Variants in CDH22 observed in about 807,000 individuals in gnomAD.
CDH22 encodes the protein cadherin 22.
In CDH22, 30 loss-of-function variants were observed where a neutral mutation model predicts 58.4. The ratio of observed to expected loss-of-function variants is 0.51; its 90% CI spans 0.38 to 0.70. The LOEUF is 0.70. Among genes scored for constraint, CDH22 ranks in the 30% least tolerant of loss-of-function variants. CDH22 has a pLI of 0.00. For missense variants in CDH22, 1,014 were observed against 1,233.9 expected, an observed-to-expected ratio of 0.82 and a Z score of 2.67; for synonymous variants, 513 against 558.2, an observed-to-expected ratio of 0.92 and a Z score of 1.14.
At chr20:46,206,208 G>A (rs1002771572) in intron 7 of CDH22, among the ~76,000 whole-genome samples, 1 of 152,210 alleles carries the variant, frequency 6.6e-6, no homozygotes, top group Non-Finnish European at 1.5e-5. Flanking sequence ...AGAAGCAGGA[G>A]TGAAATGGCC....
chr20:46,237,418 C>T (rs1038053496), intron 3 of CDH22, among the ~76,000 whole-genome samples: 5 of 152,162 alleles, frequency 3.3e-5, no homozygotes, highest in South Asian at 2.1e-4. Context: ...CTCTGATCTC[C>T]GAAGCTGCCC....
At chr20:46,250,027 C>A (rs1224109196) in intron 2 of CDH22, among the ~76,000 whole-genome samples, 2 of 152,100 alleles carry the variant, frequency 1.3e-5, no homozygotes, top group Non-Finnish European at 2.9e-5. Flanking sequence ...CTGGGGATCC[C>A]CAAAGTGGCA....
intron 1 of CDH22, among the ~76,000 whole-genome samples, chr20:46,297,244 G>T (rs1022685073): frequency 2.0e-5 from 3 of 152,154 alleles, no homozygotes; most frequent in African/African-American, 7.2e-5. Context: ...GAGTAGGGAT[G>T]CGGGCTCCTT....
chr20:46,228,057 G>C (rs917199152), intron 3 of CDH22, among the ~76,000 whole-genome samples: 1 of 152,222 alleles, frequency 6.6e-6, no homozygotes, highest in Admixed American at 6.5e-5. Flanking sequence ...ATCACAGTCA[G>C]TTGGAGCCAG....
Position 46,210,579 on chromosome 20 carries a change from G to A in CDH22, c.1033-19C>T. 7.0e-7 allele frequency: 1 copy of A among 1,425,288 alleles called. No homozygotes were observed. Among genetic ancestry groups the A allele is most frequent in the Non-Finnish European group, 9.2e-7 (1 of 1,086,280 alleles). The allele number at this position is 1,425,288 out of a possible 1,614,324, so 88.3% of individuals were successfully genotyped here. ...CCAGGCGCTGCGGGAGGGAGCAGAG[G>A]GCCGGTTAGTGGGTGGGGTCTGGTG... On this transcript the variant is annotated intron_variant, in intron 6 of 11. Coordinates refer to ENST00000537909, the MANE Select transcript of CDH22 (RefSeq NM_021248.3). This position sits in a 1 kb window ranked among gnomAD's most constrained non-coding sequence, Gnocchi z 4.5.
chr20:46,218,245 C>T (rs996233736), intron 4 of CDH22, among the ~76,000 whole-genome samples: 1 of 152,202 alleles, frequency 6.6e-6, no homozygotes, highest in Non-Finnish European at 1.5e-5. Context: ...CACTTTCAAA[C>T]ACACTTGCTC....
intron 3 of CDH22, among the ~76,000 whole-genome samples, chr20:46,228,816 G>A (rs923333842): frequency 6.6e-6 from 1 of 152,210 alleles, no homozygotes; most frequent in African/African-American, 2.4e-5. Context: ...GCTGGGAGGT[G>A]AGGCCAGTTC....
At position 46,217,281 on chromosome 20, in the gene CDH22, T is replaced by C. The variant is rs114840594; in HGVS notation, c.671-288A>G. ...AGATAGACTCACATACTTGCTCATA[T>C]GGATGCAGATACTCACACATACACA... On this transcript the variant is annotated intron_variant, in intron 4 of 11. Transcript: ENST00000537909. Among the ~76,000 whole-genome samples, 977 of 152,206 alleles carry C rather than the reference T, an allele frequency of 6.4e-3. 12 individuals are homozygous for C. The highest frequency in any genetic ancestry group is 0.022 in the African/African-American group (909 of 41,492).
At chr20:46,197,162 T>A (rs1213909799) in intron 8 of CDH22, among the ~76,000 whole-genome samples, 2 of 152,070 alleles carry the variant, frequency 1.3e-5, no homozygotes, top group African/African-American at 2.4e-5. Flanking sequence ...AAATCCCAGC[T>A]TTGCCAGTGC....
intron 4 of CDH22, among the ~76,000 whole-genome samples, chr20:46,223,522 G>C (rs1408229192): frequency 6.6e-6 from 1 of 152,106 alleles, no homozygotes; most frequent in Non-Finnish European, 1.5e-5. Context: ...TGCAGTGTTG[G>C]TCCCCAGAAA....
chr20:46,287,777 T>C (rs959487504), intron 1 of CDH22, among the ~76,000 whole-genome samples: 1 of 152,084 alleles, frequency 6.6e-6, no homozygotes, highest in African/African-American at 2.4e-5. Flanking sequence ...TCACCCAGGC[T>C]ACTGTGGGTG....
At chr20:46,286,473 T>C (rs943370663) in intron 1 of CDH22, among the ~76,000 whole-genome samples, 5 of 152,192 alleles carry the variant, frequency 3.3e-5, no homozygotes, top group Non-Finnish European at 7.3e-5. Context: ...ATGGAACACC[T>C]TTAAACAAAC....
intron 2 of CDH22, among the ~76,000 whole-genome samples, chr20:46,243,223 G>A (rs1409271068): frequency 1.3e-5 from 2 of 152,366 alleles, no homozygotes; most frequent in East Asian, 3.9e-4. Flanking sequence ...CACGCAGGAG[G>A]AGCCGGGGTA....
At chr20:46,187,377 A>C (rs2145655857) in intron 8 of CDH22, among the ~76,000 whole-genome samples, 2 of 152,068 alleles carry the variant, frequency 1.3e-5, no homozygotes, top group South Asian at 4.2e-4. Context: ...GTCTATCAAC[A>C]TAACTATGAG....
At chr20:46,243,114 G>T (rs2086303709) in intron 2 of CDH22, among the ~76,000 whole-genome samples, 1 of 152,156 alleles carries the variant, frequency 6.6e-6, no homozygotes, top group South Asian at 2.1e-4. Flanking sequence ...AATCCCTAAA[G>T]TTCCTTTCAG....
At chr20:46,212,946 C>T (rs1350821522) in intron 6 of CDH22, 49 bp downstream of exon 6, 1 of 1,529,192 alleles carries the variant, frequency 6.5e-7, no homozygotes, top group Non-Finnish European at 9.0e-7. Context: ...CTCCCTGATC[C>T]TCCCACCCCT....
In CDH22 at chr20:46,297,564, C is replaced by T. The variant is rs141268248; in HGVS notation, c.-400+10691G>A. On this transcript the variant is annotated intron_variant, in intron 1 of 11. Transcript: ENST00000537909. ...GATGGGGACTCCAAGAAGAGACGGG[C>T]GCTCTGTGGGAGGTGGGGATCTGGC... Among the ~76,000 whole-genome samples the T allele has an allele frequency of 9.6e-3, 1,452 of 150,940 alleles. 21 individuals carry two copies. The highest frequency in any genetic ancestry group is 0.023 in the African/African-American group (932 of 40,966).
intron 1 of CDH22, among the ~76,000 whole-genome samples, chr20:46,307,912 C>T (rs2059031063): frequency 6.6e-6 from 1 of 151,940 alleles, no homozygotes; most frequent in Non-Finnish European, 1.5e-5. Context: ...GGCTCGGCCC[C>T]TGGCGCTGCC....
chr20:46,207,380 C>T (rs948373832), intron 7 of CDH22, among the ~76,000 whole-genome samples: 2 of 152,094 alleles, frequency 1.3e-5, no homozygotes, highest in African/African-American at 4.8e-5. Flanking sequence ...GGACTCGCCT[C>T]CCGCTCCGTG....
Sources: allele counts gnomAD v4.1 joint callset (sites outside exome capture counted in the v4.1 genomes callset), GRCh38; gene constraint gnomAD v4.1.1; non-coding constraint Gnocchi (gnomAD v3.1); transcripts MANE v1.5; gene names NCBI Gene and HGNC (gene_info 2026-07-23, HGNC 2026-07-21).